The following PXK variants were observed in gnomAD, a reference collection of about 807,000 sequenced individuals.
PXK encodes PX domain-containing protein kinase-like protein.
In PXK, 35 loss-of-function variants were observed where a neutral mutation model predicts 84.7. The ratio of observed to expected loss-of-function variants is 0.41; its 90% CI spans 0.32 to 0.55. The LOEUF is 0.55. Among genes scored for constraint, PXK ranks in the 20% least tolerant of loss-of-function variants. The pLI, the probability that PXK is intolerant of heterozygous loss-of-function variation, is 0.21. For synonymous variants in PXK, 253 were observed against 260.8 expected, an observed-to-expected ratio of 0.97 and a Z score of 0.29; for missense variants, 634 against 699.7, an observed-to-expected ratio of 0.91 and a Z score of 1.06.
chr3:58,391,323 T>A, intron 6 of PXK, 103 bp downstream of exon 6: 1 of 984,094 alleles, frequency 1.0e-6, no homozygotes, highest in Non-Finnish European at 1.6e-6. Context: ...TCTTAAGTGA[T>A]GATGTAAAGG....
In PXK at chr3:58,425,019, C is replaced by A. The variant is rs571929806; in HGVS notation, c.*59C>A. ...TTTTTATTCCTACTCACCCCTACCC[C>A]CCAAACTACCCTCTTCCTGGGAAAG... On this transcript the variant is annotated 3_prime_UTR_variant, in exon 18 of 18. Transcript: ENST00000356151. 5.1e-6 allele frequency: 8 copies of A among 1,582,728 alleles called. No individual in the cohort carries two copies. The highest frequency in any genetic ancestry group is 3.6e-5 in the Admixed American group (2 of 56,094).
In PXK at chr3:58,383,974, T is replaced by C. The variant is rs1268943283; in HGVS notation, c.388+1274T>C. ...ATTTCAGAGAGGGGAAACAGATGTCTACTTGGCAGGCACCAAGTTTTTCTC... is the reference window on the plus strand; with the variant it reads ...ATTTCAGAGAGGGGAAACAGATGTCCACTTGGCAGGCACCAAGTTTTTCTC... On this transcript the variant is annotated intron_variant, in intron 4 of 17. Transcript: ENST00000356151. The surrounding 1 kb of genome is among the most constrained non-coding windows in gnomAD (Gnocchi z 4.0). 1.3e-5 allele frequency among the ~76,000 whole-genome samples: 2 copies of C among 152,246 alleles called. No individual in the cohort carries two copies. Among genetic ancestry groups the C allele is most frequent in the Non-Finnish European group, 2.9e-5 (2 of 68,040 alleles).
chr3:58,359,902 C>T (rs2098151956), intron 1 of PXK, among the ~76,000 whole-genome samples: 1 of 152,124 alleles, frequency 6.6e-6, no homozygotes, highest in Non-Finnish European at 1.5e-5. Context: ...AATCCCAGCA[C>T]TTTGGGAGGC....
Position 58,420,431 on chromosome 3 carries a change from ATTCAGAC to A in PXK, c.1529-4319_1529-4313del, listed in dbSNP as rs1488185972. 4.3e-6 allele frequency: 6 copies of A among 1,380,064 alleles called. No homozygotes were observed. In the East Asian group the frequency reaches 1.5e-4, roughly 34 times the overall value. 85.5% of individuals were successfully genotyped at this position (1,380,064 alleles called of 1,614,324 possible). A position where few individuals can be genotyped will look rare whatever the true frequency, so the allele number is the denominator to read the frequency against. Reference sequence around the variant, plus strand: ...TCGAAGTGAGAATAATCAGCTTGTGATTCAGACTAATATTTTACTGTCTGTTACTATT... The same window carrying A: ...TCGAAGTGAGAATAATCAGCTTGTGATAATATTTTACTGTCTGTTACTATT... On this transcript the variant is annotated intron_variant, in intron 17 of 17. Transcript: ENST00000356151.
Position 58,412,963 on chromosome 3 carries a change from G to C in PXK, c.1528G>C (p.Gly510Arg). The change falls in exon 17 of 18, where the codon GGG becomes CGG. Residue 510 changes from glycine to arginine, a missense_variant and splice_region_variant. Physicochemically the swap from Gly to Arg is moderately radical, Grantham distance 125. Coordinates refer to ENST00000356151, the MANE Select transcript of PXK (RefSeq NM_017771.5). The surrounding 1 kb of genome is among the most constrained non-coding windows in gnomAD (Gnocchi z 6.2). ...ATCGCCAACTCCACCCTCTACATCA[G>C]GTTAGTGATGGAGTAAAGTGACATG... Reference protein sequence around the residue: ...PSSPTPPSTSGISALPPPPPP... With the variant: ...PSSPTPPSTSRISALPPPPPP... The C allele has an allele frequency of 6.2e-7, 1 of 1,613,976 alleles. No individual in the cohort carries two copies. The highest frequency in any genetic ancestry group is 8.5e-7 in the Non-Finnish European group (1 of 1,179,870).
chr3:58,374,701 A>G (rs1559971829), intron 3 of PXK, among the ~76,000 whole-genome samples: 1 of 151,912 alleles, frequency 6.6e-6, no homozygotes, highest in Non-Finnish European at 1.5e-5. Context: ...CATGTGTAGT[A>G]TTTTTTTCCC....
chr3:58,424,798 AG>A lies in PXK; in HGVS notation c.1576del (p.Ala526LeufsTer19). The A allele has an allele frequency of 6.2e-7, 1 of 1,614,128 alleles. No homozygotes were observed. Among genetic ancestry groups the A allele is most frequent in the South Asian group, 1.1e-5 (1 of 91,076 alleles). On this transcript the variant is annotated frameshift_variant, in exon 18 of 18. Coordinates refer to ENST00000356151, the MANE Select transcript of PXK (RefSeq NM_017771.5). LOFTEE classifies it high-confidence loss of function. The stretch of plus-strand genomic sequence containing the variant: ...CTCCTCCACCTCCACCACCACCAGC[AG>A]CTCCCTTGCCTCCTGCGAGCACCGA... ...PPPPPPPPPA[A>X]PLPPASTEAP... is the part of the protein sequence containing the mutation.
intron 1 of PXK, among the ~76,000 whole-genome samples, chr3:58,348,795 C>G (rs1405243824): frequency 6.6e-6 from 1 of 151,620 alleles, no homozygotes; most frequent in Non-Finnish European, 1.5e-5. Context: ...TACCTGTAGT[C>G]TCAGCTACTC....
At chr3:58,375,679 G>A (rs1419915603) in intron 3 of PXK, among the ~76,000 whole-genome samples, 1 of 152,144 alleles carries the variant, frequency 6.6e-6, no homozygotes, top group Non-Finnish European at 1.5e-5. Context: ...AAGATGTACA[G>A]GTTAGGTGAA....
At chr3:58,384,069 C>A (rs777407671) in intron 4 of PXK, among the ~76,000 whole-genome samples, 1 of 152,162 alleles carries the variant, frequency 6.6e-6, no homozygotes, top group Non-Finnish European at 1.5e-5. Flanking sequence ...CTGATTAAAT[C>A]GGAGTCTTGT....
At chr3:58,351,565 TTTC>T in intron 1 of PXK, among the ~76,000 whole-genome samples, 1 of 152,234 alleles carries the variant, frequency 6.6e-6, no homozygotes, top group East Asian at 1.9e-4. Flanking sequence ...CTGGCCAGGA[TTTC>T]TTATTTTAAA....
intron 1 of PXK, among the ~76,000 whole-genome samples, chr3:58,355,981 A>G (rs1339567235): frequency 2.6e-5 from 4 of 152,064 alleles, no homozygotes; most frequent in Admixed American, 2.6e-4. Flanking sequence ...CTGAGCTGAG[A>G]TCTACCACCT....
At chr3:58,337,394 T>C (rs971632450) in intron 1 of PXK, among the ~76,000 whole-genome samples, 2 of 152,236 alleles carry the variant, frequency 1.3e-5, no homozygotes, top group Admixed American at 1.3e-4. Context: ...ATGCCTACTA[T>C]GTGCCAGGCA....
At chr3:58,382,038 A>G (rs960757291) in intron 3 of PXK, among the ~76,000 whole-genome samples, 2 of 152,230 alleles carry the variant, frequency 1.3e-5, no homozygotes, top group African/African-American at 4.8e-5. Context: ...ATGCCTGGCC[A>G]GATGTGGTGG....
intron 3 of PXK, among the ~76,000 whole-genome samples, chr3:58,378,512 T>TTTGTGTGTGTG (rs763961222): frequency 1.4e-4 from 4 of 29,028 alleles, no homozygotes; most frequent in Non-Finnish European, 1.9e-4. Flanking sequence ...TTTTTTTTTT[T>TTTGTGTGTGTG]TGTGTGTGTG....
At chr3:58,418,645 A>G (rs957799109) in intron 17 of PXK, among the ~76,000 whole-genome samples, 2 of 152,206 alleles carry the variant, frequency 1.3e-5, no homozygotes, top group African/African-American at 4.8e-5. Context: ...TCTTTATTAG[A>G]TAGATGGCAT....
At position 58,364,139 on chromosome 3, in the gene PXK, T is replaced by C. The variant is rs1157255027; in HGVS notation, c.103-1735T>C. Among the ~76,000 whole-genome samples the C allele has an allele frequency of 6.6e-6, 1 of 152,220 alleles. No individual in the cohort carries two copies. The highest frequency in any genetic ancestry group is 1.5e-5 in the Non-Finnish European group (1 of 68,034). On this transcript the variant is annotated intron_variant, in intron 1 of 17. Coordinates refer to ENST00000356151, the MANE Select transcript of PXK (RefSeq NM_017771.5). This position sits in a 1 kb window ranked among gnomAD's most constrained non-coding sequence, Gnocchi z 4.3. The stretch of plus-strand genomic sequence containing the variant: ...TTATAAATTGCTGAATTCAATTTAC[T>C]AATATTTTGGTAAGGATTTTTGAGC...
intron 13 of PXK, among the ~76,000 whole-genome samples, chr3:58,406,711 T>A (rs1378337553): frequency 2.6e-5 from 4 of 152,218 alleles, no homozygotes; most frequent in Non-Finnish European, 5.9e-5. Flanking sequence ...TCTATACCCA[T>A]AGAATAATGA....
At chr3:58,359,257 C>T (rs983856177) in intron 1 of PXK, among the ~76,000 whole-genome samples, 2 of 152,224 alleles carry the variant, frequency 1.3e-5, no homozygotes, top group East Asian at 1.9e-4. Context: ...GATGGCCAGG[C>T]GCAGTGGCTC....
Sources: gnomAD v4.1 joint callset for allele counts (sites outside exome capture counted in the v4.1 genomes callset) on GRCh38, gnomAD v4.1.1 for gene constraint, Gnocchi (gnomAD v3.1) non-coding constraint, MANE v1.5 for transcripts, NCBI Gene and HGNC (gene_info 2026-07-23, HGNC 2026-07-21) for gene names.